Variants in DCAF10 observed in about 807,000 individuals in gnomAD.
DCAF10 encodes the protein DDB1- and CUL4-associated factor 10.
A neutral mutation model predicts 51.9 loss-of-function variants in DCAF10; 19 were observed. The ratio of observed to expected loss-of-function variants is 0.37; its 90% CI spans 0.26 to 0.54. The LOEUF (loss-of-function observed/expected upper bound fraction) is 0.54, where lower values mean the gene tolerates loss of function less well. Among genes scored for constraint, DCAF10 ranks in the 20% least tolerant of loss-of-function variants. The pLI, the probability that DCAF10 is intolerant of heterozygous loss-of-function variation, is 0.87. For missense variants in DCAF10, 510 were observed against 730.6 expected, an observed-to-expected ratio of 0.70 and a Z score of 3.48; for synonymous variants, 291 against 297.1, an observed-to-expected ratio of 0.98 and a Z score of 0.21.
At position 37,800,919 on chromosome 9, in the gene DCAF10, G is replaced by A. The variant is rs1204803347; in HGVS notation, c.53G>A (p.Gly18Glu). ...GGAGGGGACGGATCGGCCGGAGCCGGGGCTGAGGAGCCGACGCCCCACGAG... is the reference window on the plus strand; with the variant it reads ...GGAGGGGACGGATCGGCCGGAGCCGAGGCTGAGGAGCCGACGCCCCACGAG... ...SPGGDGSAGA[G>E]AEEPTPHEGQ... Residue 18 changes from glycine to glutamate, a missense_variant, in exon 1 of 7, where the codon GGG becomes GAG. Gly to Glu is a moderately conservative substitution (Grantham distance 98). Transcript: ENST00000377724. The A allele has an allele frequency of 6.7e-7, 1 of 1,496,088 alleles. No individual in the cohort carries two copies. Among genetic ancestry groups the A allele is most frequent in the Non-Finnish European group, 8.8e-7 (1 of 1,130,410 alleles). The allele number at this position is 1,496,088 out of a possible 1,614,324, so 92.7% of individuals were successfully genotyped here.
Position 37,800,805 on chromosome 9 carries a change from A to C in DCAF10, c.-62A>C. 1 of 1,497,442 alleles carries C rather than the reference A, an allele frequency of 6.7e-7. No individual in the cohort carries two copies. The highest frequency in any genetic ancestry group is 1.3e-5 in the South Asian group (1 of 77,660). 92.8% of individuals were successfully genotyped at this position (1,497,442 alleles called of 1,614,324 possible). On this transcript the variant is annotated 5_prime_UTR_variant, in exon 1 of 7. Transcript: ENST00000377724. ...TGCACGCCGGAAGTGGCAGCTGAACAGGGGCACTGAGGTGTCGGCCGGCGG... is the reference window on the plus strand; with the variant it reads ...TGCACGCCGGAAGTGGCAGCTGAACCGGGGCACTGAGGTGTCGGCCGGCGG...
chr9:37,847,079 C>A (rs1830495025), intron 3 of DCAF10, among the ~76,000 whole-genome samples: 1 of 151,466 alleles, frequency 6.6e-6, no homozygotes, highest in African/African-American at 2.4e-5. Context: ...CATGGTGAAA[C>A]CCCACCTCTA....
At chr9:37,834,966 CAT>C (rs909686609) in intron 2 of DCAF10, among the ~76,000 whole-genome samples, 3 of 151,906 alleles carry the variant, frequency 2.0e-5, no homozygotes, top group African/African-American at 7.2e-5. Flanking sequence ...TGGTATTTTT[CAT>C]AGAGACGAGG....
At chr9:37,814,397 C>G (rs1829466601) in intron 1 of DCAF10, among the ~76,000 whole-genome samples, 1 of 148,892 alleles carries the variant, frequency 6.7e-6, no homozygotes, top group South Asian at 2.1e-4. Context: ...ATCCGCCCGC[C>G]TCGGCCTCCT....
chr9:37,819,458 T>C, intron 2 of DCAF10, 57 bp downstream of exon 2: 3 of 1,315,136 alleles, frequency 2.3e-6, no homozygotes, highest in Non-Finnish European at 3.2e-6. Context: ...TGTTCTGTTT[T>C]GGAAGTTAGT....
chr9:37,801,547 C>A lies in DCAF10; in HGVS notation c.539+142C>A. 1 of 1,051,304 alleles carries A rather than the reference C, an allele frequency of 9.5e-7. No individual in the cohort carries two copies. The highest frequency in any genetic ancestry group is 1.3e-6 in the Non-Finnish European group (1 of 796,766). The allele number at this position is 1,051,304 out of a possible 1,614,324, so 65.1% of individuals were successfully genotyped here. A position where few individuals can be genotyped will look rare whatever the true frequency, so the allele number is the denominator to read the frequency against. ...CCGCTGGCCTTCGTGCCTCCTGGCA[C>A]TTTCTGAAGCGCATTCTCGCCCTTG... On this transcript the variant is annotated intron_variant, in intron 1 of 6. Transcript: ENST00000377724. The surrounding 1 kb of genome is among the most constrained non-coding windows in gnomAD (Gnocchi z 5.5).
At chr9:37,807,625 A>AAT (rs1295278166) in intron 1 of DCAF10, among the ~76,000 whole-genome samples, 3 of 149,006 alleles carry the variant, frequency 2.0e-5, no homozygotes, top group African/African-American at 2.5e-5. Context: ...TATTTATGTT[A>AAT]ATTTATATTA....
chr9:37,814,196 T>C (rs1829456940), intron 1 of DCAF10, among the ~76,000 whole-genome samples: 1 of 143,588 alleles, frequency 7.0e-6, no homozygotes, highest in Non-Finnish European at 1.5e-5. Context: ...TGGAGTGCAA[T>C]GGCACGATCT....
chr9:37,852,930 T>TTATATATATATA (rs59469290), intron 3 of DCAF10, among the ~76,000 whole-genome samples: 2,536 of 108,188 alleles, frequency 0.023, 81 homozygotes, highest in East Asian at 0.05. Context: ...GTATGTGAGG[T>TTATATATATATA]TATATATATA....
chr9:37,860,296 A>G, intron 6 of DCAF10, 103 bp downstream of exon 6: 2 of 1,443,632 alleles, frequency 1.4e-6, no homozygotes, highest in Non-Finnish European at 1.9e-6. Flanking sequence ...CTCTGCCTTC[A>G]AGGGCATACT....
At position 37,801,210 on chromosome 9, in the gene DCAF10, G is replaced by T; in HGVS notation, c.344G>T (p.Gly115Val). ...CGGGGCCGACACGGCCTCGGCGCGG[G>T]CCTGGGCGGCCCTGGCGCTAGGCTG... ...KSRGRHGLGA[G>V]LGGPGARLFG... The change falls in exon 1 of 7, where the codon GGC becomes GTC. Residue 115 changes from glycine to valine, a missense_variant. Gly to Val is a moderately radical substitution (Grantham distance 109). Transcript: ENST00000377724. This position sits in a 1 kb window ranked among gnomAD's most constrained non-coding sequence, Gnocchi z 5.5. The T allele has an allele frequency of 6.4e-7, 1 of 1,558,836 alleles. No homozygotes were observed.
intron 1 of DCAF10, among the ~76,000 whole-genome samples, chr9:37,804,807 A>G (rs1213266575): frequency 6.6e-6 from 1 of 152,046 alleles, no homozygotes; most frequent in East Asian, 1.9e-4. Context: ...AAAGGCCTCA[A>G]AGGAGCAACT....
At chr9:37,818,029 GTCAC>G (rs1385540967) in intron 1 of DCAF10, among the ~76,000 whole-genome samples, 1 of 151,378 alleles carries the variant, frequency 6.6e-6, no homozygotes, top group African/African-American at 2.4e-5. Context: ...GTCTTACTCT[GTCAC>G]TCATGCTGGA....
intron 2 of DCAF10, among the ~76,000 whole-genome samples, chr9:37,838,007 A>T (rs942762677): frequency 1.3e-5 from 2 of 152,076 alleles, no homozygotes; most frequent in Non-Finnish European, 2.9e-5. Context: ...CAGGCAACAG[A>T]GCAAGACCCT....
intron 3 of DCAF10, among the ~76,000 whole-genome samples, chr9:37,849,014 T>G (rs1589109357): frequency 6.6e-6 from 1 of 150,780 alleles, no homozygotes; most frequent in South Asian, 2.1e-4. Flanking sequence ...CTAAAATGAG[T>G]GAGTTTTATG....
chr9:37,839,891 T>C (rs1830281386), intron 2 of DCAF10, among the ~76,000 whole-genome samples: 1 of 152,350 alleles, frequency 6.6e-6, no homozygotes, highest in Admixed American at 6.5e-5. Flanking sequence ...GTTGAGTGCA[T>C]ATGTGTCTGG....
At chr9:37,834,270 C>T (rs1447794767) in intron 2 of DCAF10, among the ~76,000 whole-genome samples, 1 of 152,054 alleles carries the variant, frequency 6.6e-6, no homozygotes, top group Non-Finnish European at 1.5e-5. Flanking sequence ...TACTAAACAG[C>T]AACTTCCAAT....
intron 3 of DCAF10, among the ~76,000 whole-genome samples, chr9:37,844,908 A>C (rs1346899113): frequency 6.6e-6 from 1 of 152,120 alleles, no homozygotes; most frequent in African/African-American, 2.4e-5. Flanking sequence ...ACACATATTT[A>C]GATTTCTGCT....
intron 2 of DCAF10, among the ~76,000 whole-genome samples, chr9:37,838,971 A>G (rs1043182175): frequency 1.3e-5 from 2 of 152,230 alleles, no homozygotes; most frequent in East Asian, 3.8e-4. Context: ...AATAATGGCA[A>G]TATGTTTTTG....
Sources: allele counts gnomAD v4.1 joint callset (sites outside exome capture counted in the v4.1 genomes callset), GRCh38; gene constraint gnomAD v4.1.1; non-coding constraint Gnocchi (gnomAD v3.1); transcripts MANE v1.5; gene names NCBI Gene and HGNC (gene_info 2026-07-23, HGNC 2026-07-21).